PPM1H: variants seen among roughly 807,000 people sequenced by gnomAD.
PPM1H encodes protein phosphatase 1H.
Under a neutral mutation model 54.9 loss-of-function variants are expected in PPM1H, and 27 were observed. The ratio of observed to expected loss-of-function variants is 0.49; its 90% CI spans 0.36 to 0.68. PPM1H has a LOEUF of 0.68. Among genes scored for constraint, PPM1H ranks in the 30% least tolerant of loss-of-function variants. PPM1H has a pLI of 0.00. For synonymous variants in PPM1H, 305 were observed against 270.8 expected (o/e 1.13, Z -1.24); for missense variants, 596 against 667.8 (o/e 0.89, Z 1.19).
In PPM1H at chr12:62,934,469, G is replaced by T; in HGVS notation, c.245+23C>A. ...GAAGGGCCGCGAGGAGAGCAGGGGCGCCGCCGGTGTCGCTGCACTCACTCT... is the reference window on the plus strand; with the variant it reads ...GAAGGGCCGCGAGGAGAGCAGGGGCTCCGCCGGTGTCGCTGCACTCACTCT... On this transcript the variant is annotated intron_variant, in intron 1 of 9. Transcript: ENST00000228705. The surrounding 1 kb of genome is among the most constrained non-coding windows in gnomAD (Gnocchi z 4.2). 2.6e-6 allele frequency: 4 copies of T among 1,522,774 alleles called. No individual in the cohort carries two copies. The South Asian group carries it at 4.9e-5, about 19-fold the overall frequency. 94.3% of individuals were successfully genotyped at this position (1,522,774 alleles called of 1,614,324 possible). A position where few individuals can be genotyped will look rare whatever the true frequency, so the allele number is the denominator to read the frequency against.
chr12:62,879,148 A>G lies in PPM1H; in HGVS notation c.246-46869T>C, dbSNP rs181435987. Among the ~76,000 whole-genome samples, 282 of 152,286 alleles carry G rather than the reference A, an allele frequency of 1.9e-3. 1 individual carries two copies. Among genetic ancestry groups the G allele is most frequent in the African/African-American group, 6.5e-3 (272 of 41,578 alleles). On this transcript the variant is annotated intron_variant, in intron 1 of 9. Transcript: ENST00000228705. ...GTGGGGGCGAGAGCAGGAGGTCCCA[A>G]TGAGTCACCGTTTAGCAGGAAGTGT...
At chr12:62,831,723 G>GTC (rs1053967178) in intron 2 of PPM1H, among the ~76,000 whole-genome samples, 2 of 151,198 alleles carry the variant, frequency 1.3e-5, no homozygotes, top group African/African-American at 4.9e-5. Context: ...GTGTGTGTGT[G>GTC]TGTGTGAGTG....
At chr12:62,848,092 A>G (rs1412296864) in intron 1 of PPM1H, among the ~76,000 whole-genome samples, 2 of 152,234 alleles carry the variant, frequency 1.3e-5, no homozygotes, top group African/African-American at 4.8e-5. Flanking sequence ...TTTTCTTCAT[A>G]AAAAGGACCA....
At chr12:62,813,851 C>T (rs1337280651) in intron 2 of PPM1H, among the ~76,000 whole-genome samples, 21 of 152,224 alleles carry the variant, frequency 1.4e-4, no homozygotes, top group Admixed American at 1.3e-3. Flanking sequence ...AAATGAGTTA[C>T]TGTGTGAAAA....
chr12:62,791,551 C>T (rs995471823), intron 3 of PPM1H, among the ~76,000 whole-genome samples: 11 of 152,200 alleles, frequency 7.2e-5, no homozygotes, highest in Non-Finnish European at 2.9e-5. Flanking sequence ...TGCTCAGCTA[C>T]AGAGACTATT....
intron 4 of PPM1H, among the ~76,000 whole-genome samples, chr12:62,745,082 G>C (rs2076402652): frequency 6.6e-6 from 1 of 152,002 alleles, no homozygotes; most frequent in Non-Finnish European, 1.5e-5. Flanking sequence ...TTTCTGTTTG[G>C]TTCATTGTCC....
At chr12:62,854,075 A>G (rs1869295221) in intron 1 of PPM1H, among the ~76,000 whole-genome samples, 1 of 152,234 alleles carries the variant, frequency 6.6e-6, no homozygotes, top group Non-Finnish European at 1.5e-5. Flanking sequence ...CAAAACATGA[A>G]AAAAACAACA....
At chr12:62,821,569 G>A (rs2076903137) in intron 2 of PPM1H, among the ~76,000 whole-genome samples, 1 of 152,218 alleles carries the variant, frequency 6.6e-6, no homozygotes, top group African/African-American at 2.4e-5. Context: ...ACTAACAGTG[G>A]ATTTCTCGGC....
intron 4 of PPM1H, among the ~76,000 whole-genome samples, chr12:62,761,395 T>C (rs754062461): frequency 6.6e-6 from 1 of 152,256 alleles, no homozygotes; most frequent in African/African-American, 2.4e-5. Flanking sequence ...TGGAAAGATA[T>C]ACCCCTAATT....
chr12:62,717,055 C>A (rs1187193759), intron 6 of PPM1H, among the ~76,000 whole-genome samples: 3 of 152,090 alleles, frequency 2.0e-5, no homozygotes, highest in Non-Finnish European at 4.4e-5. Flanking sequence ...CTCACCGCAC[C>A]CTCGAATTCC....
At chr12:62,776,593 G>A (rs538269564) in intron 4 of PPM1H, among the ~76,000 whole-genome samples, 9 of 152,288 alleles carry the variant, frequency 5.9e-5, no homozygotes, top group African/African-American at 2.2e-4. Flanking sequence ...AATCTGCATG[G>A]CAATCTAGAA....
intron 1 of PPM1H, among the ~76,000 whole-genome samples, chr12:62,842,017 C>T (rs977204798): frequency 3.3e-5 from 5 of 152,172 alleles, no homozygotes; most frequent in African/African-American, 9.7e-5. Context: ...GTCCAACTTC[C>T]TTATTTAAAT....
At chr12:62,841,716 A>G (rs1868756796) in intron 1 of PPM1H, among the ~76,000 whole-genome samples, 1 of 152,232 alleles carries the variant, frequency 6.6e-6, no homozygotes, top group Non-Finnish European at 1.5e-5. Context: ...TAGTAGTAAC[A>G]TTAGCTGTGG....
At chr12:62,710,920 C>T (rs1398029576) in intron 6 of PPM1H, among the ~76,000 whole-genome samples, 7 of 152,202 alleles carry the variant, frequency 4.6e-5, no homozygotes, top group African/African-American at 7.2e-5. Context: ...AAACTCATCA[C>T]GCGCTATTAT....
intron 1 of PPM1H, among the ~76,000 whole-genome samples, chr12:62,885,703 G>A (rs1394727205): frequency 2.6e-5 from 4 of 152,054 alleles, no homozygotes; most frequent in South Asian, 4.2e-4. Context: ...TATGTAAGAC[G>A]TTAACAACTG....
In PPM1H at chr12:62,934,803, G is replaced by A. The variant is rs1872274546; in HGVS notation, c.-67C>T. 4 of 1,327,686 alleles carry A rather than the reference G, an allele frequency of 3.0e-6. No homozygotes were observed. The highest frequency in any genetic ancestry group is 3.9e-6 in the Non-Finnish European group (4 of 1,036,322). 82.2% of individuals were successfully genotyped at this position (1,327,686 alleles called of 1,614,324 possible). A position where few individuals can be genotyped will look rare whatever the true frequency, so the allele number is the denominator to read the frequency against. On this transcript the variant is annotated 5_prime_UTR_variant, in exon 1 of 10. Transcript: ENST00000228705. The surrounding 1 kb of genome is among the most constrained non-coding windows in gnomAD (Gnocchi z 4.2). ...GCGGGGGCCGGGCAAGGCGCAGCGC[G>A]GGGCATGCAGGCTGCGGTGGGCGCC... is the stretch of plus-strand genomic sequence containing the variant.
At chr12:62,839,721 AGTC>A (rs1868653164) in intron 1 of PPM1H, among the ~76,000 whole-genome samples, 1 of 151,944 alleles carries the variant, frequency 6.6e-6, no homozygotes, top group African/African-American at 2.4e-5. Context: ...AGGACCCTAT[AGTC>A]ATTTATGTTA....
chr12:62,753,625 C>G (rs555062988), intron 4 of PPM1H, among the ~76,000 whole-genome samples: 1 of 152,342 alleles, frequency 6.6e-6, no homozygotes, highest in Admixed American at 6.5e-5. Context: ...CGGAACTGTT[C>G]TGTTCCCTCT....
intron 1 of PPM1H, chr12:62,840,051 CAG>C (rs202055824): frequency 0.012 from 1,493 of 129,562 alleles, 3 homozygotes; most frequent in Admixed American, 0.016. Flanking sequence ...TCTAGAGAGA[CAG>C]AGAGAGAGAG....
Sources: allele counts gnomAD v4.1 joint callset (sites outside exome capture counted in the v4.1 genomes callset), GRCh38; gene constraint gnomAD v4.1.1; non-coding constraint Gnocchi (gnomAD v3.1); transcripts MANE v1.5; gene names NCBI Gene and HGNC (gene_info 2026-07-23, HGNC 2026-07-21).